GXYLT2: variants seen among roughly 807,000 people sequenced by gnomAD.
GXYLT2 encodes the protein glycosyltransferase 8 domain containing 4.
GXYLT2 carries 53 observed loss-of-function variants against 45.8 expected under a neutral mutation model. That is an observed-to-expected ratio of 1.16 (90% CI 0.93 to 1.46). The LOEUF is 1.46. Ranked by LOEUF, GXYLT2 falls within the 40% of genes most tolerant of loss-of-function variation. The pLI is 0.00. For missense variants in GXYLT2, 551 were observed against 544.4 expected (o/e 1.01, Z -0.12); for synonymous variants, 219 against 214.2 (o/e 1.02, Z -0.19).
intron 2 of GXYLT2, among the ~76,000 whole-genome samples, chr3:72,909,731 G>A (rs141899514): frequency 5.0e-4 from 76 of 152,274 alleles, no homozygotes; most frequent in African/African-American, 1.8e-3. Flanking sequence ...AGGTACACAC[G>A]TGACCTTTGC....
chr3:72,955,106 A>G lies in GXYLT2; in HGVS notation c.609A>G (p.Leu203=), dbSNP rs1433240472. 1 of 1,613,754 alleles carries G rather than the reference A, an allele frequency of 6.2e-7. No individual in the cohort carries two copies. Among genetic ancestry groups the G allele is most frequent in the South Asian group, 1.1e-5 (1 of 91,068 alleles). ...ACTCCTTACACACAAAGGTGATTTT[A>G]AAGGATGTGGACTCACTTCTCTACG... is the stretch of plus-strand genomic sequence containing the variant. ...AAQRLFLPVI[L]KDVDSLLYVD... is the part of the protein sequence containing the mutation. The change falls in exon 4 of 7, where the codon TTA becomes TTG. Residue 203 remains leucine (L), a synonymous_variant. Transcript: ENST00000389617.
At chr3:72,964,408 C>T (rs1710823356) in intron 5 of GXYLT2, among the ~76,000 whole-genome samples, 1 of 151,968 alleles carries the variant, frequency 6.6e-6, no homozygotes, top group Non-Finnish European at 1.5e-5. Flanking sequence ...CCACAACCTC[C>T]ACCTCCCAGG....
At chr3:72,950,882 G>A (rs1710510487) in intron 3 of GXYLT2, among the ~76,000 whole-genome samples, 1 of 152,216 alleles carries the variant, frequency 6.6e-6, no homozygotes, top group African/African-American at 2.4e-5. Flanking sequence ...TTCACTGGAG[G>A]TGGGTGCCCA....
intron 1 of GXYLT2, among the ~76,000 whole-genome samples, chr3:72,901,457 C>T (rs62249897): frequency 7.5e-6 from 1 of 132,854 alleles, no homozygotes; most frequent in Non-Finnish European, 1.6e-5. Context: ...GAGCAAGACT[C>T]TGCATCAAAA....
At chr3:72,950,990 G>A (rs893096876) in intron 3 of GXYLT2, among the ~76,000 whole-genome samples, 3 of 152,000 alleles carry the variant, frequency 2.0e-5, no homozygotes, top group Non-Finnish European at 1.5e-5. Flanking sequence ...TTTTAACCCC[G>A]CCCCTCACTC....
At chr3:72,939,397 T>C (rs1192675059) in intron 3 of GXYLT2, among the ~76,000 whole-genome samples, 1 of 152,074 alleles carries the variant, frequency 6.6e-6, no homozygotes, top group Non-Finnish European at 1.5e-5. Context: ...ATCACACCAC[T>C]GCACTCCAGC....
chr3:72,957,444 C>A, intron 5 of GXYLT2, 92 bp downstream of exon 5: 2 of 1,310,608 alleles, frequency 1.5e-6, no homozygotes, highest in Admixed American at 2.2e-5. Context: ...ATTGACTAGG[C>A]TTGAATTGTG....
chr3:72,906,965 G>C (rs1255058035), intron 1 of GXYLT2, among the ~76,000 whole-genome samples: 1 of 152,136 alleles, frequency 6.6e-6, no homozygotes, highest in East Asian at 1.9e-4. Context: ...TTGCACTTTA[G>C]AGAAACATCA....
At chr3:72,938,745 C>T (rs542835309) in intron 3 of GXYLT2, among the ~76,000 whole-genome samples, 5 of 152,198 alleles carry the variant, frequency 3.3e-5, no homozygotes, top group African/African-American at 7.2e-5. Context: ...TTTTCAGTTA[C>T]GCAAGGCCTG....
At chr3:72,889,113 T>C (rs936684793) in intron 1 of GXYLT2, among the ~76,000 whole-genome samples, 6 of 152,200 alleles carry the variant, frequency 3.9e-5, no homozygotes, top group Non-Finnish European at 8.8e-5. Context: ...AGGGTCCTCC[T>C]ACAAGAAAAA....
intron 5 of GXYLT2, among the ~76,000 whole-genome samples, chr3:72,963,325 A>G (rs913282793): frequency 9.9e-5 from 15 of 152,070 alleles, no homozygotes; most frequent in African/African-American, 3.4e-4. Flanking sequence ...CTGTAATCCC[A>G]GCACTGGGAG....
rs1243166440 is a variant in GXYLT2 at position 72,976,451 on chromosome 3, A to G, written c.*1292A>G. ...AAATCAGAGACCAACTTCAAATTTAATGTGTAAAAAACAAATAGTTCAGCT... is the reference window on the plus strand; with the variant it reads ...AAATCAGAGACCAACTTCAAATTTAGTGTGTAAAAAACAAATAGTTCAGCT... On this transcript the variant is annotated 3_prime_UTR_variant, in exon 7 of 7. Coordinates refer to ENST00000389617, the MANE Select transcript of GXYLT2 (RefSeq NM_001080393.2). 1 of 152,190 alleles carries G rather than the reference A, an allele frequency of 6.6e-6. No individual in the cohort carries two copies. The highest frequency in any genetic ancestry group is 1.9e-4 in the East Asian group (1 of 5,194). The allele number at this position is 152,190 out of a possible 1,614,324, so 9.4% of individuals were successfully genotyped here. A position where few individuals can be genotyped will look rare whatever the true frequency, so the allele number is the denominator to read the frequency against.
intron 5 of GXYLT2, among the ~76,000 whole-genome samples, chr3:72,966,861 G>C (rs942928714): frequency 6.6e-6 from 1 of 151,844 alleles, no homozygotes; most frequent in Non-Finnish European, 1.5e-5. Flanking sequence ...CTGACCTCAG[G>C]TGATTTGCCT....
In GXYLT2 at chr3:72,976,702, A is replaced by G. The variant is rs1711110649; in HGVS notation, c.*1543A>G. 6.6e-6 allele frequency: 1 copy of G among 152,292 alleles called. No individual in the cohort carries two copies. Among genetic ancestry groups the G allele is most frequent in the Non-Finnish European group, 1.5e-5 (1 of 68,026 alleles). The allele number at this position is 152,292 out of a possible 1,614,324, so 9.4% of individuals were successfully genotyped here. A position where few individuals can be genotyped will look rare whatever the true frequency, so the allele number is the denominator to read the frequency against. On this transcript the variant is annotated 3_prime_UTR_variant, in exon 7 of 7. Coordinates refer to ENST00000389617, the MANE Select transcript of GXYLT2 (RefSeq NM_001080393.2). ...TTTGCATAATGCTTTATTTTTCTCA[A>G]ATGACTATTGCATAGATGATCTTGA...
intron 6 of GXYLT2, among the ~76,000 whole-genome samples, chr3:72,971,727 T>C (rs1710988059): frequency 6.6e-6 from 1 of 152,102 alleles, no homozygotes; most frequent in South Asian, 2.1e-4. Context: ...GGCAGGTGGA[T>C]CACTTGAGGT....
At chr3:72,950,147 G>A (rs552043783) in intron 3 of GXYLT2, among the ~76,000 whole-genome samples, 2 of 151,928 alleles carry the variant, frequency 1.3e-5, no homozygotes, top group South Asian at 4.2e-4. Context: ...CAAACCAAGA[G>A]CCTGTCTCTA....
chr3:72,889,540 AG>A (rs1387803870), intron 1 of GXYLT2, among the ~76,000 whole-genome samples: 2 of 152,160 alleles, frequency 1.3e-5, no homozygotes, highest in African/African-American at 4.8e-5. Flanking sequence ...GACAAGTTTT[AG>A]GGGGAAAAAA....
chr3:72,929,335 G>A, intron 3 of GXYLT2: 1 of 1,059,118 alleles, frequency 9.4e-7, no homozygotes, highest in Non-Finnish European at 1.5e-6. Context: ...AGAGCGGGCT[G>A]AATGCGATGG....
intron 2 of GXYLT2, among the ~76,000 whole-genome samples, chr3:72,915,354 T>TGTGGG (rs1559732646): frequency 3.0e-5 from 1 of 33,480 alleles, no homozygotes; most frequent in Non-Finnish European, 5.1e-5. Context: ...TTTTTTTTTT[T>TGTGGG]GCGGGGGGGG....
Sources: allele counts gnomAD v4.1 joint callset (sites outside exome capture counted in the v4.1 genomes callset), GRCh38; gene constraint gnomAD v4.1.1; transcripts MANE v1.5; gene names NCBI Gene and HGNC (gene_info 2026-07-23, HGNC 2026-07-21).